FHOD3: variants seen among roughly 807,000 people sequenced by gnomAD.
FHOD3 encodes the protein formin homology 2 domain containing 3, also known as FH1/FH2 domain-containing protein 3.
A neutral mutation model predicts 173.0 loss-of-function variants in FHOD3; 90 were observed. That is an observed-to-expected ratio of 0.52 (90% CI 0.44 to 0.62). The LOEUF is 0.62. Among genes scored for constraint, FHOD3 ranks in the 20% least tolerant of loss-of-function variants. The probability of loss-of-function intolerance (pLI) is 0.00; values close to 1 mark genes in which losing one functional copy is unlikely to be tolerated. For synonymous variants in FHOD3, 828 were observed against 823.0 expected (o/e 1.01, Z -0.10); for missense variants, 1,945 against 2,034.7 (o/e 0.96, Z 0.85).
At chr18:36,313,497 TC>T in intron 1 of FHOD3, among the ~76,000 whole-genome samples, 1 of 152,230 alleles carries the variant, frequency 6.6e-6, no homozygotes, top group African/African-American at 2.4e-5. Context: ...TTTTGCTTTT[TC>T]CGGAATGCTA....
intron 6 of FHOD3, among the ~76,000 whole-genome samples, chr18:36,585,977 TCTCTA>T (rs1284450193): frequency 6.6e-6 from 1 of 152,166 alleles, no homozygotes; most frequent in African/African-American, 2.4e-5. Flanking sequence ...GTTCTGCCAC[TCTCTA>T]CTCTAGCCCC....
intron 4 of FHOD3, among the ~76,000 whole-genome samples, chr18:36,511,075 A>T (rs1271150290): frequency 6.6e-6 from 1 of 152,236 alleles, no homozygotes; most frequent in Non-Finnish European, 1.5e-5. Flanking sequence ...TCTTTTGGAG[A>T]TAAGCCATGG....
chr18:36,406,543 C>G (rs8084081), intron 3 of FHOD3, among the ~76,000 whole-genome samples: 62,197 of 151,734 alleles, frequency 0.41, 13,394 homozygotes, highest in East Asian at 0.68. Context: ...GACATTTAAA[C>G]GGGGTGTGTT....
At position 36,656,548 on chromosome 18, in the gene FHOD3, T is replaced by A. The variant is rs541293849; in HGVS notation, c.1722-1527T>A. ...ACAGGATAGATGCGGGTCGTATCAA[T>A]ATTTTATTTTCCATTATAATAATGA... is the stretch of plus-strand genomic sequence containing the variant. On this transcript the variant is annotated intron_variant, in intron 13 of 28. Coordinates refer to ENST00000590592, the MANE Select transcript of FHOD3 (RefSeq NM_001281740.3). Among the ~76,000 whole-genome samples the A allele has an allele frequency of 3.3e-5, 5 of 152,308 alleles. No individual in the cohort carries two copies. The East Asian group carries it at 5.8e-4, about 18-fold the overall frequency.
At chr18:36,612,786 T>A (rs1213333066) in intron 9 of FHOD3, among the ~76,000 whole-genome samples, 1 of 152,238 alleles carries the variant, frequency 6.6e-6, no homozygotes, top group Admixed American at 6.5e-5. Context: ...AAATCATATT[T>A]TGTAGCTCCC....
intron 17 of FHOD3, among the ~76,000 whole-genome samples, chr18:36,700,668 T>G (rs1054852828): frequency 3.3e-5 from 5 of 151,924 alleles, no homozygotes; most frequent in Non-Finnish European, 5.9e-5. Flanking sequence ...CAACCCAATT[T>G]AAAAAAAAGA....
chr18:36,359,836 A>G (rs1049304451), intron 2 of FHOD3, among the ~76,000 whole-genome samples: 9 of 152,226 alleles, frequency 5.9e-5, no homozygotes, highest in Non-Finnish European at 1.0e-4. Context: ...GTAAAATATG[A>G]TAATGTATCT....
chr18:36,752,154 G>T (rs954516058), intron 24 of FHOD3, among the ~76,000 whole-genome samples: 1 of 152,100 alleles, frequency 6.6e-6, no homozygotes, highest in Non-Finnish European at 1.5e-5. Flanking sequence ...ACAGGATGGG[G>T]GATACCGCCC....
intron 10 of FHOD3, among the ~76,000 whole-genome samples, chr18:36,641,946 C>T (rs1013226831): frequency 1.5e-5 from 2 of 133,416 alleles, no homozygotes; most frequent in Admixed American, 7.9e-5. Flanking sequence ...GAGCGAAACT[C>T]GGTCTCAAAA....
chr18:36,370,952 A>G (rs2047157235), intron 2 of FHOD3, among the ~76,000 whole-genome samples: 1 of 152,240 alleles, frequency 6.6e-6, no homozygotes, highest in Non-Finnish European at 1.5e-5. Flanking sequence ...TCTGGTCAGA[A>G]GAGTTGAAGG....
chr18:36,482,216 G>C (rs570236422), intron 3 of FHOD3, among the ~76,000 whole-genome samples: 3 of 152,182 alleles, frequency 2.0e-5, no homozygotes. Flanking sequence ...ACAAATCCCT[G>C]TTTTTATGGA....
intron 1 of FHOD3, among the ~76,000 whole-genome samples, chr18:36,315,695 C>A (rs114025625): frequency 6.6e-6 from 1 of 152,188 alleles, no homozygotes; most frequent in East Asian, 1.9e-4. Context: ...CTCACATGCC[C>A]ACCATGTGAA....
In FHOD3 at chr18:36,443,721, A is replaced by G. The variant is rs758485115; in HGVS notation, c.338-58211A>G. On this transcript the variant is annotated intron_variant, in intron 3 of 28. Transcript: ENST00000590592. ...TTATACCTCCTGAGATCACGGAGCT[A>G]GGAAATACAGCTATATACAAATATA... Among the ~76,000 whole-genome samples, 11 of 152,314 alleles carry G rather than the reference A, an allele frequency of 7.2e-5. No individual in the cohort carries two copies. In the Middle Eastern group the frequency reaches 0.017, roughly 235 times the overall value.
chr18:36,718,579 G>T lies in FHOD3; in HGVS notation c.3281G>T (p.Arg1094Leu). ...KTIRLFWNEV[R>L]PFDWPCKNNR... ...ATCCGTTTGTTCTGGAATGAAGTTC[G>T]GCCTTTTGACTGGCCATGTAAAAAC... Residue 1094 changes from arginine (R) to leucine (L), a missense_variant, in exon 19 of 29, where the codon CGG becomes CTG. By Grantham distance (102) the Arg-to-Leu change is moderately radical. This residue lies in a region of FHOD3 where 231 missense variants were observed against 321.9 expected (regional missense o/e 0.72). Coordinates refer to ENST00000590592, the MANE Select transcript of FHOD3 (RefSeq NM_001281740.3). The T allele has an allele frequency of 6.2e-7, 1 of 1,614,094 alleles. No homozygotes were observed.
chr18:36,395,483 A>T (rs1363350155), intron 3 of FHOD3, among the ~76,000 whole-genome samples: 1 of 152,168 alleles, frequency 6.6e-6, no homozygotes, highest in Non-Finnish European at 1.5e-5. Context: ...GTGTGTCTGA[A>T]ACTCATTCTC....
In FHOD3 at chr18:36,658,314, T is replaced by C; in HGVS notation, c.1835+126T>C. 4 of 621,666 alleles carry C rather than the reference T, an allele frequency of 6.4e-6. No individual in the cohort carries two copies. The South Asian group carries it at 8.8e-5, about 14-fold the overall frequency. The allele number at this position is 621,666 out of a possible 1,614,324, so 38.5% of individuals were successfully genotyped here. A position where few individuals can be genotyped will look rare whatever the true frequency, so the allele number is the denominator to read the frequency against. On this transcript the variant is annotated intron_variant, in intron 14 of 28. Transcript: ENST00000590592. Reference sequence around the variant, plus strand: ...ATGAAGTATTTTCCTTTACAGAACATTGTCCGAAGCCAGGAATATTTTCTC... The same window carrying C: ...ATGAAGTATTTTCCTTTACAGAACACTGTCCGAAGCCAGGAATATTTTCTC...
At chr18:36,537,873 A>T in intron 5 of FHOD3, among the ~76,000 whole-genome samples, 1 of 152,218 alleles carries the variant, frequency 6.6e-6, no homozygotes, top group Non-Finnish European at 1.5e-5. Flanking sequence ...CACTTCCCTC[A>T]GTAGCAGAGT....
intron 25 of FHOD3, among the ~76,000 whole-genome samples, chr18:36,758,547 TTG>T (rs144455368): frequency 0.016 from 2,430 of 152,270 alleles, 57 homozygotes; most frequent in African/African-American, 0.055. Flanking sequence ...GCTGGAGCAG[TTG>T]TCTCACTTGT....
chr18:36,666,231 G>C (rs1019412850), intron 14 of FHOD3, among the ~76,000 whole-genome samples: 7 of 152,216 alleles, frequency 4.6e-5, no homozygotes, highest in Admixed American at 1.3e-4. Flanking sequence ...CTGGAGAATA[G>C]AAAGCAAGAG....
Sources: allele counts gnomAD v4.1 joint callset (sites outside exome capture counted in the v4.1 genomes callset), GRCh38; gene constraint gnomAD v4.1.1; regional missense constraint gnomAD v4.1.1; transcripts MANE v1.5; gene names NCBI Gene and HGNC (gene_info 2026-07-23, HGNC 2026-07-21).